MAML3: variants seen among roughly 807,000 people sequenced by gnomAD.
MAML3 encodes mastermind like transcriptional coactivator 3.
In MAML3, 27 loss-of-function variants were observed where a neutral mutation model predicts 101.9. The observed-to-expected ratio is 0.27, with a 90% CI of 0.20 to 0.37. The LOEUF (loss-of-function observed/expected upper bound fraction) is 0.37. MAML3 is among the 10% of genes least tolerant of loss of function. The pLI, the probability that MAML3 is intolerant of heterozygous loss-of-function variation, is 1.00. For missense variants in MAML3, 1,316 were observed against 1,444.9 expected, an observed-to-expected ratio of 0.91 and a Z score of 1.45; for synonymous variants, 501 against 555.9, an observed-to-expected ratio of 0.90 and a Z score of 1.39.
At chr4:139,928,670 G>A (rs79673039) in intron 1 of MAML3, among the ~76,000 whole-genome samples, 158 of 152,304 alleles carry the variant, frequency 1.0e-3, no homozygotes, top group African/African-American at 3.7e-3. Flanking sequence ...CAGAAAAGCT[G>A]TGTGTCTGGG....
rs370915467 is a variant in MAML3 at position 139,991,964 on chromosome 4, A to G, written c.469-100997T>C. Among the ~76,000 whole-genome samples, 16 of 152,304 alleles carry G rather than the reference A, an allele frequency of 1.1e-4. No homozygotes were observed. In the East Asian group the frequency reaches 3.1e-3, roughly 29 times the overall value. On this transcript the variant is annotated intron_variant, in intron 1 of 4. Coordinates refer to ENST00000509479, the MANE Select transcript of MAML3 (RefSeq NM_018717.5). Reference sequence around the variant, plus strand: ...CATCACCACAATCCAGTTTGAGGACACTTCCATCACTTCAAAAATGTCTCA... The same window carrying G: ...CATCACCACAATCCAGTTTGAGGACGCTTCCATCACTTCAAAAATGTCTCA...
intron 1 of MAML3, among the ~76,000 whole-genome samples, chr4:139,974,677 C>T (rs1261870096): frequency 6.6e-6 from 1 of 151,912 alleles, no homozygotes; most frequent in Non-Finnish European, 1.5e-5. Context: ...CCTTTCAATG[C>T]CTACGTAGAA....
intron 2 of MAML3, among the ~76,000 whole-genome samples, chr4:139,886,023 A>C (rs1402934981): frequency 6.6e-6 from 1 of 151,358 alleles, no homozygotes; most frequent in Non-Finnish European, 1.5e-5. Context: ...ATAAGAACAT[A>C]TCTCAGAGAA....
rs531509265 is a variant in MAML3, at chr4:139,756,516, T to C, written c.2080-25849A>G. ...AGTCAAGGACTCCAAGCCTTAAACC[T>C]TAAAGGGACCCCGAGGCACTAGCTA... is the stretch of plus-strand genomic sequence containing the variant. On this transcript the variant is annotated intron_variant, in intron 2 of 4. Coordinates refer to ENST00000509479, the MANE Select transcript of MAML3 (RefSeq NM_018717.5). Among the ~76,000 whole-genome samples the C allele has an allele frequency of 6.6e-5, 10 of 152,242 alleles. No individual in the cohort carries two copies. The South Asian group carries it at 2.1e-3, about 32-fold the overall frequency.
chr4:139,908,694 CT>C, intron 1 of MAML3, among the ~76,000 whole-genome samples: 1 of 152,216 alleles, frequency 6.6e-6, no homozygotes. Flanking sequence ...TCACATTCTT[CT>C]CAATTCAGGC....
chr4:140,063,565 T>C (rs2110941877), intron 1 of MAML3, among the ~76,000 whole-genome samples: 2 of 152,310 alleles, frequency 1.3e-5, no homozygotes, highest in South Asian at 4.1e-4. Flanking sequence ...GATTTCCCAA[T>C]TTACTTCCCA....
At chr4:139,913,963 C>A (rs1732980387) in intron 1 of MAML3, among the ~76,000 whole-genome samples, 1 of 152,048 alleles carries the variant, frequency 6.6e-6, no homozygotes, top group Non-Finnish European at 1.5e-5. Context: ...TTGTGAACTG[C>A]AATTGTAAAG....
chr4:139,863,840 T>G (rs1341244770), intron 2 of MAML3, among the ~76,000 whole-genome samples: 3 of 34,506 alleles, frequency 8.7e-5, no homozygotes, highest in African/African-American at 1.3e-3. Context: ...GGGTTTTTTT[T>G]TTTTTTTTTT....
At chr4:140,075,601 A>G (rs952892046) in intron 1 of MAML3, among the ~76,000 whole-genome samples, 4 of 152,330 alleles carry the variant, frequency 2.6e-5, no homozygotes, top group Admixed American at 2.0e-4. Context: ...CAATGGTGCT[A>G]TCATAACTCA....
intron 1 of MAML3, among the ~76,000 whole-genome samples, chr4:139,990,350 A>C (rs561392317): frequency 6.6e-6 from 1 of 151,912 alleles, no homozygotes; most frequent in African/African-American, 2.4e-5. Flanking sequence ...AAATTCAACA[A>C]CTCTTCATGC....
Position 139,854,579 on chromosome 4 carries a change from T to C in MAML3, c.2079+34778A>G, listed in dbSNP as rs566820742. Among the ~76,000 whole-genome samples, 166 of 127,714 alleles carry C rather than the reference T, an allele frequency of 1.3e-3. 1 individual carries two copies. Among genetic ancestry groups the C allele is most frequent in the Non-Finnish European group, 2.7e-3 (146 of 54,340 alleles). 83.8% of individuals were successfully genotyped at this position (127,714 alleles called of 152,430 possible). On this transcript the variant is annotated intron_variant, in intron 2 of 4. Transcript: ENST00000509479. ...ACCATCTTTCAGTGCTCTTTTTTAATGGTGAGGAACATTTTCTTGGATAGT... is the reference window on the plus strand; with the variant it reads ...ACCATCTTTCAGTGCTCTTTTTTAACGGTGAGGAACATTTTCTTGGATAGT...
At chr4:139,973,656 A>T (rs1490452639) in intron 1 of MAML3, among the ~76,000 whole-genome samples, 1 of 152,186 alleles carries the variant, frequency 6.6e-6, no homozygotes, top group Non-Finnish European at 1.5e-5. Flanking sequence ...AATAGTCCTG[A>T]CAGGCCACCA....
At chr4:140,043,793 A>C (rs1449295053) in intron 1 of MAML3, among the ~76,000 whole-genome samples, 1 of 152,230 alleles carries the variant, frequency 6.6e-6, no homozygotes, top group Non-Finnish European at 1.5e-5. Flanking sequence ...AGTACGTTGA[A>C]AATCAGTGAA....
intron 1 of MAML3, among the ~76,000 whole-genome samples, chr4:140,095,246 G>A (rs1012927212): frequency 1.3e-5 from 2 of 152,170 alleles, no homozygotes; most frequent in African/African-American, 4.8e-5. Flanking sequence ...AGAAATCCCA[G>A]CTGCTCTCCC....
At chr4:139,792,796 G>C (rs1384854759) in intron 2 of MAML3, among the ~76,000 whole-genome samples, 3 of 150,506 alleles carry the variant, frequency 2.0e-5, no homozygotes, top group Non-Finnish European at 4.4e-5. Context: ...CCAGGCTGGA[G>C]TGCAGTGGTG....
chr4:139,871,849 A>G (rs1329149561), intron 2 of MAML3, among the ~76,000 whole-genome samples: 1 of 152,234 alleles, frequency 6.6e-6, no homozygotes, highest in Non-Finnish European at 1.5e-5. Flanking sequence ...GGACACTAAT[A>G]CAATTATCCT....
At chr4:139,914,984 C>T (rs1733000256) in intron 1 of MAML3, among the ~76,000 whole-genome samples, 1 of 145,484 alleles carries the variant, frequency 6.9e-6, no homozygotes, top group Non-Finnish European at 1.5e-5. Context: ...TGATTTTATG[C>T]CTGCTTAAAA....
intron 1 of MAML3, among the ~76,000 whole-genome samples, chr4:140,149,687 T>A (rs1729123463): frequency 6.6e-6 from 1 of 152,192 alleles, no homozygotes; most frequent in Non-Finnish European, 1.5e-5. Flanking sequence ...TTGTGGGTGA[T>A]CATTGTTTTT....
rs567810864 is a variant in MAML3, at chr4:139,975,751, T to C, written c.469-84784A>G. Among the ~76,000 whole-genome samples the C allele has an allele frequency of 9.9e-5, 15 of 152,208 alleles. No homozygotes were observed. In the South Asian group the frequency reaches 2.7e-3, roughly 27 times the overall value. Reference sequence around the variant, plus strand: ...GGTGTGAAGTCATTAACCTCACAGATTGAACTGCAAAGTGGAGGGCCTAGA... The same window carrying C: ...GGTGTGAAGTCATTAACCTCACAGACTGAACTGCAAAGTGGAGGGCCTAGA... On this transcript the variant is annotated intron_variant, in intron 1 of 4. Transcript: ENST00000509479.
Sources: gnomAD v4.1 joint callset for allele counts (sites outside exome capture counted in the v4.1 genomes callset) on GRCh38, gnomAD v4.1.1 for gene constraint, MANE v1.5 for transcripts, NCBI Gene and HGNC (gene_info 2026-07-23, HGNC 2026-07-21) for gene names.